The following RBFOX3 variants were observed in gnomAD, a reference collection of about 807,000 sequenced individuals.
RBFOX3 encodes the protein RNA binding fox-1 homolog 3.
RBFOX3 carries 17 observed loss-of-function variants against 48.7 expected under a neutral mutation model. That is an observed-to-expected ratio of 0.35 (90% CI 0.24 to 0.52). RBFOX3 has a LOEUF of 0.52. RBFOX3 is among the 20% of genes least tolerant of loss of function. The pLI is 0.94. For missense variants in RBFOX3, 382 were observed against 497.5 expected, an observed-to-expected ratio of 0.77 and a Z score of 2.21; for synonymous variants, 212 against 209.5, an observed-to-expected ratio of 1.01 and a Z score of -0.10.
intron 5 of RBFOX3, among the ~76,000 whole-genome samples, chr17:79,108,502 G>A (rs554767310): frequency 2.6e-5 from 4 of 152,358 alleles, no homozygotes; most frequent in African/African-American, 9.6e-5. Flanking sequence ...CGGTGAGTGG[G>A]GAGCCTGGGG....
chr17:79,446,439 G>A (rs1394389243), intron 2 of RBFOX3, among the ~76,000 whole-genome samples: 1 of 152,172 alleles, frequency 6.6e-6, no homozygotes, highest in Non-Finnish European at 1.5e-5. Context: ...ATTGAGGCAG[G>A]AGGTGGAACT....
At chr17:79,422,767 G>C (rs1405910394) in intron 2 of RBFOX3, among the ~76,000 whole-genome samples, 1 of 152,106 alleles carries the variant, frequency 6.6e-6, no homozygotes, top group Non-Finnish European at 1.5e-5. Context: ...TTGCAGCCCT[G>C]ACCCCCCTGT....
At position 79,480,223 on chromosome 17, in the gene RBFOX3, C is replaced by T. The variant is rs1289541404; in HGVS notation, c.-175+2231G>A. Among the ~76,000 whole-genome samples the T allele has an allele frequency of 2.0e-5, 3 of 152,152 alleles. No homozygotes were observed. Among genetic ancestry groups the T allele is most frequent in the Admixed American group, 1.3e-4 (2 of 15,270 alleles). On this transcript the variant is annotated intron_variant, in intron 2 of 14. Transcript: ENST00000693108. This position sits in a 1 kb window ranked among gnomAD's most constrained non-coding sequence, Gnocchi z 4.8. ...TTCCTATCTGGGCTCCCCGAGGGGG[C>T]CCCTGATGGTTTACGGAATGGGGTG...
intron 1 of RBFOX3, among the ~76,000 whole-genome samples, chr17:79,567,259 C>G (rs1466513109): frequency 3.1e-4 from 45 of 145,144 alleles, no homozygotes; most frequent in Non-Finnish European, 3.3e-4. Context: ...TCTCGGCTCA[C>G]TGCAACCTCC....
rs531827995 is a variant in RBFOX3 at position 79,125,931 on chromosome 17, C to T, written c.-33-10183G>A. Among the ~76,000 whole-genome samples the T allele has an allele frequency of 7.2e-4, 110 of 152,372 alleles. 1 individual carries two copies. The highest frequency in any genetic ancestry group is 1.4e-3 in the South Asian group (7 of 4,834). On this transcript the variant is annotated intron_variant, in intron 4 of 14. Transcript: ENST00000693108. ...CTGTGCCACCCATGCAGGTCACCTG[C>T]CTGCCCAAGAGGTGAGTCCACCCAC...
chr17:79,282,901 C>A (rs1190103287), intron 3 of RBFOX3, among the ~76,000 whole-genome samples: 1 of 152,256 alleles, frequency 6.6e-6, no homozygotes, highest in Non-Finnish European at 1.5e-5. Context: ...CTGGTACCTG[C>A]AAAGCAGCAG....
At chr17:79,520,656 G>A (rs915987048) in intron 1 of RBFOX3, among the ~76,000 whole-genome samples, 1 of 152,238 alleles carries the variant, frequency 6.6e-6, no homozygotes, top group African/African-American at 2.4e-5. Flanking sequence ...TCGGCCTGGG[G>A]ACAGCCGGCG....
chr17:79,612,429 A>G (rs1397888346), upstream of RBFOX3, among the ~76,000 whole-genome samples: 8 of 151,950 alleles, frequency 5.3e-5, no homozygotes, highest in Admixed American at 1.3e-4. Context: ...AGAGGGGAGT[A>G]TGGATTTGGA....
intron 1 of RBFOX3, among the ~76,000 whole-genome samples, chr17:79,538,502 G>C (rs149311398): frequency 8.5e-5 from 13 of 152,334 alleles, no homozygotes; most frequent in African/African-American, 3.1e-4. Flanking sequence ...CCACCTCCCT[G>C]CCAAGGCCTG....
chr17:79,124,787 A>G (rs2036721370), intron 4 of RBFOX3, among the ~76,000 whole-genome samples: 1 of 152,226 alleles, frequency 6.6e-6, no homozygotes, highest in African/African-American at 2.4e-5. Context: ...CTGGACCTGT[A>G]GCCCTGTGGC....
At chr17:79,223,809 T>C (rs1002433161) in intron 4 of RBFOX3, among the ~76,000 whole-genome samples, 1 of 152,098 alleles carries the variant, frequency 6.6e-6, no homozygotes, top group Non-Finnish European at 1.5e-5. Context: ...GCGCCCCCCC[T>C]ACAGCACAGC....
intron 2 of RBFOX3, among the ~76,000 whole-genome samples, chr17:79,414,728 G>A (rs2065028276): frequency 6.6e-6 from 1 of 152,224 alleles, no homozygotes; most frequent in African/African-American, 2.4e-5. Context: ...ATGGGCACCT[G>A]GGAAGACAGC....
At chr17:79,475,453 C>A (rs2077594290) in intron 2 of RBFOX3, among the ~76,000 whole-genome samples, 1 of 152,152 alleles carries the variant, frequency 6.6e-6, no homozygotes, top group African/African-American at 2.4e-5. Flanking sequence ...TGCCTGGGTT[C>A]ATCTTCCTCC....
At chr17:79,230,286 G>A (rs1340842769) in intron 4 of RBFOX3, among the ~76,000 whole-genome samples, 1 of 152,088 alleles carries the variant, frequency 6.6e-6, no homozygotes, top group African/African-American at 2.4e-5. Context: ...TTGAGATGGA[G>A]TCTTGCTTTG....
Position 79,363,215 on chromosome 17 carries a change from C to T in RBFOX3, c.-174-55391G>A, listed in dbSNP as rs755281979. Among the ~76,000 whole-genome samples the T allele has an allele frequency of 2.0e-5, 3 of 152,110 alleles. No individual in the cohort carries two copies. Among genetic ancestry groups the T allele is most frequent in the Non-Finnish European group, 4.4e-5 (3 of 68,018 alleles). On this transcript the variant is annotated intron_variant, in intron 2 of 14. Transcript: ENST00000693108. The surrounding 1 kb of genome is among the most constrained non-coding windows in gnomAD (Gnocchi z 4.7). The stretch of plus-strand genomic sequence containing the variant: ...GAGCGTGGCCAGGGGTTCTGTAGTG[C>T]CAGCAAGGCTGATGCACAGAGAGGG...
At chr17:79,636,869 G>A in the RBFOX3 span, among the ~76,000 whole-genome samples, 2 of 152,150 alleles carry the variant, frequency 1.3e-5, no homozygotes, top group East Asian at 3.8e-4. Context: ...GATGTAGAAT[G>A]TCTGAGTGGA....
rs528751383 is a variant in RBFOX3 at position 79,197,652 on chromosome 17, C to T, written c.-34+38114G>A. On this transcript the variant is annotated intron_variant, in intron 4 of 14. Coordinates refer to ENST00000693108, the MANE Select transcript of RBFOX3 (RefSeq NM_001350451.2). ...TCAAGTGATCCGCCCACCTCGGCCT[C>T]CCAAAGTGCTGGGATTACAGGCATG... is the stretch of plus-strand genomic sequence containing the variant. Among the ~76,000 whole-genome samples, 11 of 152,192 alleles carry T rather than the reference C, an allele frequency of 7.2e-5. No homozygotes were observed. The South Asian group carries it at 2.3e-3, about 32-fold the overall frequency.
At chr17:79,407,880 C>T (rs1443956297) in intron 2 of RBFOX3, among the ~76,000 whole-genome samples, 2 of 152,240 alleles carry the variant, frequency 1.3e-5, no homozygotes, top group Non-Finnish European at 2.9e-5. Flanking sequence ...TCTTTTACTC[C>T]TTTGCACTAT....
chr17:79,422,442 G>A (rs2066589093), intron 2 of RBFOX3, among the ~76,000 whole-genome samples: 1 of 151,896 alleles, frequency 6.6e-6, no homozygotes, highest in Non-Finnish European at 1.5e-5. Context: ...GAAGCCCAGG[G>A]GGTCACCTGC....
Sources: gnomAD v4.1 joint callset for allele counts (sites outside exome capture counted in the v4.1 genomes callset) on GRCh38, gnomAD v4.1.1 for gene constraint, Gnocchi (gnomAD v3.1) non-coding constraint, MANE v1.5 for transcripts, NCBI Gene and HGNC (gene_info 2026-07-23, HGNC 2026-07-21) for gene names.